Variants in DMD observed in about 807,000 individuals in gnomAD.
DMD encodes mutant dystrophin.
A neutral mutation model predicts 330.1 loss-of-function variants in DMD; 63 were observed. The observed-to-expected ratio is 0.19, with a 90% CI of 0.16 to 0.24. DMD has a LOEUF of 0.24. Ranked by LOEUF, DMD falls within the 10% of genes least tolerant of loss-of-function variation. DMD has a pLI of 1.00. For missense variants in DMD, 3,344 were observed against 2,684.1 expected (o/e 1.25, Z -5.43); for synonymous variants, 1,223 against 959.8 (o/e 1.27, Z -5.07).
rs762731062 is a variant in DMD, at chrX:32,581,226, C to T, written c.1603-7380G>A. Reference sequence around the variant, plus strand: ...TCACAACTTTTCATCCACAAGAAATCACAAATTCTAACGTACATACCTAAT... The same window carrying T: ...TCACAACTTTTCATCCACAAGAAATTACAAATTCTAACGTACATACCTAAT... On this transcript the variant is annotated intron_variant, in intron 13 of 78. Coordinates refer to ENST00000357033, the MANE Select transcript of DMD (RefSeq NM_004006.3). Among the ~76,000 whole-genome samples the T allele has an allele frequency of 7.2e-3, 808 of 112,270 alleles. 9 individuals carry two copies. The highest frequency in any genetic ancestry group is 0.024 in the African/African-American group (755 of 30,907).
chrX:33,118,065 C>G lies in DMD; in HGVS notation c.31+93217G>C, dbSNP rs1206421615. Among the ~76,000 whole-genome samples, 7 of 109,593 alleles carry G rather than the reference C, an allele frequency of 6.4e-5. No individual in the cohort carries two copies. The Admixed American group carries it at 6.9e-4, about 11-fold the overall frequency. On this transcript the variant is annotated intron_variant, in intron 1 of 78. Transcript: ENST00000357033. ...GAAGCTATCTAATTTACATCCTATA[C>G]TTGGCTGAGGATATCAGATGTGTTC...
chrX:31,807,925 G>C (rs1336815032), intron 50 of DMD, among the ~76,000 whole-genome samples: 1 of 111,287 alleles, frequency 9.0e-6, no homozygotes, highest in African/African-American at 3.3e-5. Flanking sequence ...TTAGTAGCTG[G>C]GTGTTTTTGG....
At chrX:32,636,963 A>G (rs1257968216) in intron 11 of DMD, among the ~76,000 whole-genome samples, 4 of 109,563 alleles carry the variant, frequency 3.7e-5, no homozygotes, top group Admixed American at 2.9e-4. Flanking sequence ...GCGCCACTGC[A>G]CTCCAGCCTG....
At position 32,239,316 on chromosome X, in the gene DMD, TCTA is replaced by T. The variant is rs1399226347; in HGVS notation, c.6291-22256_6291-22254del. 3.6e-5 allele frequency among the ~76,000 whole-genome samples: 4 copies of T among 112,079 alleles called. No individual in the cohort carries two copies. The Admixed American group carries it at 3.8e-4, about 11-fold the overall frequency. On this transcript the variant is annotated intron_variant, in intron 43 of 78. Transcript: ENST00000357033. ...ATGAGATATTTCTTCAAATTTATCTTCTACTTTTGAACTTTTATTTCTGCTCTT... is the reference window on the plus strand; with the variant it reads ...ATGAGATATTTCTTCAAATTTATCTTCTTTTGAACTTTTATTTCTGCTCTT...
At chrX:32,547,452 T>C (rs2148972446) in intron 16 of DMD, among the ~76,000 whole-genome samples, 1 of 111,011 alleles carries the variant, frequency 9.0e-6, no homozygotes, top group African/African-American at 3.3e-5. Context: ...CTGTAATTGT[T>C]CTATATAATA....
At position 31,147,442 on chromosome X, in the gene DMD, C is replaced by T. The variant is rs749089007; in HGVS notation, c.10630G>A (p.Glu3544Lys). 2 of 1,206,208 alleles carry T rather than the reference C, an allele frequency of 1.7e-6. No individual in the cohort carries two copies. The highest frequency in any genetic ancestry group is 2.2e-6 in the Non-Finnish European group (2 of 892,030). Residue 3544 changes from glutamate to lysine, a missense_variant, in exon 75 of 79, where the codon GAA (glutamate) becomes AAA (lysine). Coordinates refer to ENST00000357033, the MANE Select transcript of DMD (RefSeq NM_004006.3). ...CTCTGGGGAGAGGTGGGCATCATTT[C>T]AGGAGGGGACGGCAGTGGGGACAGG... ...KGLSPLPSPP[E>K]MMPTSPQSPR...
intron 26 of DMD, among the ~76,000 whole-genome samples, chrX:32,449,617 G>A (rs1267464812): frequency 1.1e-4 from 12 of 106,049 alleles, no homozygotes; most frequent in African/African-American, 4.1e-4. Flanking sequence ...GCACCCCCTG[G>A]CCTCCATGTT....
At chrX:31,891,402 T>C (rs2094248629) in intron 47 of DMD, among the ~76,000 whole-genome samples, 1 of 112,018 alleles carries the variant, frequency 8.9e-6, no homozygotes. Context: ...TAGTTTTATA[T>C]TCTGCGAGGA....
At chrX:32,231,876 C>T (rs1057362450) in intron 43 of DMD, among the ~76,000 whole-genome samples, 1 of 110,728 alleles carries the variant, frequency 9.0e-6, no homozygotes. Flanking sequence ...TTATAATTCT[C>T]AATTATAAAA....
chrX:32,220,773 A>T (rs2097129376), intron 43 of DMD, among the ~76,000 whole-genome samples: 1 of 111,037 alleles, frequency 9.0e-6, no homozygotes, highest in Non-Finnish European at 1.9e-5. Flanking sequence ...AAATGGTAAC[A>T]ATGAGAAACA....
At chrX:32,377,870 A>G (rs186703137) in intron 34 of DMD, among the ~76,000 whole-genome samples, 69 of 111,113 alleles carry the variant, frequency 6.2e-4, no homozygotes, top group Non-Finnish European at 1.2e-3. Flanking sequence ...GAATCTGAAA[A>G]TCTGAAAACA....
At chrX:32,365,772 T>C (rs2097852282) in intron 34 of DMD, among the ~76,000 whole-genome samples, 1 of 112,375 alleles carries the variant, frequency 8.9e-6, no homozygotes, top group African/African-American at 3.2e-5. Context: ...ACATGTTTTA[T>C]TTCCTAATAT....
rs957063915 is a variant in DMD at position 31,606,652 on chromosome X, T to C, written c.8217+21021A>G. On this transcript the variant is annotated intron_variant, in intron 55 of 78. Transcript: ENST00000357033. ...TTTTACAAAAATTTCTAGTTAATGA[T>C]CTAAGGATTTAGCTTTTTATTTTTT... Among the ~76,000 whole-genome samples the C allele has an allele frequency of 2.7e-5, 3 of 112,107 alleles. No individual in the cohort carries two copies. In the Admixed American group the frequency reaches 2.8e-4, roughly 11 times the overall value.
At chrX:31,528,197 T>A (rs2073393344) in intron 55 of DMD, among the ~76,000 whole-genome samples, 1 of 94,373 alleles carries the variant, frequency 1.1e-5, no homozygotes, top group African/African-American at 4.3e-5. Flanking sequence ...ACACTTTAGG[T>A]TGTAACAGTG....
chrX:32,817,024 G>A (rs1173373779), intron 5 of DMD, among the ~76,000 whole-genome samples: 1 of 111,185 alleles, frequency 9.0e-6, no homozygotes, highest in South Asian at 3.7e-4. Flanking sequence ...TGGATAGGAG[G>A]AATACTATAG....
intron 15 of DMD, among the ~76,000 whole-genome samples, chrX:32,570,956 G>A (rs2052348343): frequency 9.0e-6 from 1 of 111,517 alleles, no homozygotes; most frequent in Admixed American, 9.5e-5. Flanking sequence ...TACTATTCTG[G>A]CATGTGGTAC....
intron 1 of DMD, among the ~76,000 whole-genome samples, chrX:33,247,002 A>G (rs1392471874): frequency 9.0e-6 from 1 of 111,559 alleles, no homozygotes; most frequent in Non-Finnish European, 1.9e-5. Context: ...CGGTCTTCAA[A>G]CTCTGTTTTA....
At chrX:31,818,805 C>T (rs765091822) in intron 50 of DMD, among the ~76,000 whole-genome samples, 6 of 110,020 alleles carry the variant, frequency 5.5e-5, no homozygotes, top group African/African-American at 2.0e-4. Flanking sequence ...TGATGACTGC[C>T]GAGTAATCCC....
At chrX:32,917,381 A>G (rs375835334) in intron 2 of DMD, among the ~76,000 whole-genome samples, 1 of 111,914 alleles carries the variant, frequency 8.9e-6, no homozygotes, top group Admixed American at 9.5e-5. Flanking sequence ...ATGTACAACT[A>G]TGATATATCA....
Sources: allele counts gnomAD v4.1 joint callset (sites outside exome capture counted in the v4.1 genomes callset), GRCh38; gene constraint gnomAD v4.1.1; transcripts MANE v1.5; gene names NCBI Gene and HGNC (gene_info 2026-07-23, HGNC 2026-07-21).